KLHL29: variants seen among roughly 807,000 people sequenced by gnomAD.
The protein encoded by KLHL29 is kelch like family member 29.
KLHL29 carries 21 observed loss-of-function variants against 80.4 expected under a neutral mutation model. The ratio of observed to expected loss-of-function variants is 0.26; its 90% CI spans 0.19 to 0.38. The LOEUF (loss-of-function observed/expected upper bound fraction) is 0.38. KLHL29 is among the 10% of genes least tolerant of loss of function. The pLI, the probability that KLHL29 is intolerant of heterozygous loss-of-function variation, is 1.00. For synonymous variants in KLHL29, 511 were observed against 526.8 expected, an observed-to-expected ratio of 0.97 and a Z score of 0.41; for missense variants, 867 against 1,223.9, an observed-to-expected ratio of 0.71 and a Z score of 4.35.
chr2:23,686,310 C>G (rs574415992), intron 6 of KLHL29, among the ~76,000 whole-genome samples: 10 of 150,888 alleles, frequency 6.6e-5, no homozygotes. Context: ...CTCGGTGGCC[C>G]TCATCAGAAA....
intron 1 of KLHL29, among the ~76,000 whole-genome samples, chr2:23,437,789 G>T (rs1449390723): frequency 6.6e-6 from 1 of 152,230 alleles, no homozygotes; most frequent in Non-Finnish European, 1.5e-5. Context: ...ACTTGGTGAT[G>T]CAGGCTCTTT....
rs1451940754 is a variant in KLHL29, at chr2:23,639,185, C to G, written c.332C>G (p.Thr111Ser). 6.5e-7 allele frequency: 1 copy of G among 1,545,688 alleles called. No homozygotes were observed. ...KGDSQSQGLA[T>S]SIRWGQTPIN... is the part of the protein sequence containing the mutation. ...GACAGTCAGTCCCAGGGACTGGCGACCAGCATCCGGTGGGGGCAGACGCCT... is the reference window on the plus strand; with the variant it reads ...GACAGTCAGTCCCAGGGACTGGCGAGCAGCATCCGGTGGGGGCAGACGCCT... Residue 111 changes from threonine (T) to serine (S), a missense_variant, in exon 4 of 14, where the codon ACC becomes AGC. Around this residue, in one of 2 missense-constraint regions of KLHL29, gnomAD observed 424 missense variants for 456.9 expected, o/e 0.93. Coordinates refer to ENST00000486442, the MANE Select transcript of KLHL29 (RefSeq NM_052920.2).
In KLHL29 at chr2:23,562,348, C is replaced by G; in HGVS notation, c.152C>G (p.Pro51Arg). 6.5e-7 allele frequency: 1 copy of G among 1,543,842 alleles called. No individual in the cohort carries two copies. Among genetic ancestry groups the G allele is most frequent in the Non-Finnish European group, 8.7e-7 (1 of 1,145,288 alleles). ...ACAGCCAGCAGCCTCAGCGTCCGGC[C>G]CGGCCTCCTGCCGCTGCCCGTGGTG... ...GGTASSLSVR[P>R]GLLPLPVVPS... Residue 51 changes from proline (P) to arginine (R), a missense_variant, in exon 3 of 14, where the codon CCC becomes CGC. Transcript: ENST00000486442. The surrounding 1 kb of genome is among the most constrained non-coding windows in gnomAD (Gnocchi z 4.5).
chr2:23,519,031 A>T (rs559744600), intron 2 of KLHL29, among the ~76,000 whole-genome samples: 16 of 152,294 alleles, frequency 1.1e-4, no homozygotes, highest in Non-Finnish European at 2.1e-4. Context: ...GCCAGGCGGC[A>T]TGTGGAGAGC....
intron 1 of KLHL29, among the ~76,000 whole-genome samples, chr2:23,404,254 T>C (rs1389550403): frequency 7.7e-6 from 1 of 129,832 alleles, no homozygotes; most frequent in Non-Finnish European, 1.7e-5. Flanking sequence ...AGAGGCAGAT[T>C]CTGGGCGATG....
At position 23,669,757 on chromosome 2, in the gene KLHL29, C is replaced by T. The variant is rs562924011; in HGVS notation, c.941-14642C>T. Among the ~76,000 whole-genome samples, 1 of 152,260 alleles carries T rather than the reference C, an allele frequency of 6.6e-6. No homozygotes were observed. Among genetic ancestry groups the T allele is most frequent in the Admixed American group, 6.5e-5 (1 of 15,300 alleles). On this transcript the variant is annotated intron_variant, in intron 5 of 13. Coordinates refer to ENST00000486442, the MANE Select transcript of KLHL29 (RefSeq NM_052920.2). The surrounding 1 kb of genome is among the most constrained non-coding windows in gnomAD (Gnocchi z 4.3). ...GTGCCCAGCTCATTTAGAGCTGAGG[C>T]CCCCAGAACCCAGGGCTGCAGCCGA...
At chr2:23,427,957 G>A (rs1169500953) in intron 1 of KLHL29, among the ~76,000 whole-genome samples, 3 of 152,164 alleles carry the variant, frequency 2.0e-5, no homozygotes, top group East Asian at 1.9e-4. Context: ...GGCGGCTCCC[G>A]TTTAATAGAG....
At chr2:23,620,922 C>T (rs1669164180) in intron 3 of KLHL29, among the ~76,000 whole-genome samples, 1 of 152,242 alleles carries the variant, frequency 6.6e-6, no homozygotes, top group South Asian at 2.1e-4. Flanking sequence ...GCCACTCTGA[C>T]CAGTGCATTC....
intron 2 of KLHL29, among the ~76,000 whole-genome samples, chr2:23,502,879 C>A (rs1371106017): frequency 6.6e-6 from 1 of 152,218 alleles, no homozygotes; most frequent in Non-Finnish European, 1.5e-5. Context: ...AGGTCTCTCC[C>A]TTTTCAGCCC....
At position 23,680,482 on chromosome 2, in the gene KLHL29, C is replaced by T. The variant is rs1047548105; in HGVS notation, c.941-3917C>T. On this transcript the variant is annotated intron_variant, in intron 5 of 13. Coordinates refer to ENST00000486442, the MANE Select transcript of KLHL29 (RefSeq NM_052920.2). The surrounding 1 kb of genome is among the most constrained non-coding windows in gnomAD (Gnocchi z 4.1). ...CGTAGGCGGGCATCCCGCTCAAAGC[C>T]GAGGAGACCCAAAAACAACCTCTGG... Among the ~76,000 whole-genome samples, 7 of 152,186 alleles carry T rather than the reference C, an allele frequency of 4.6e-5. No individual in the cohort carries two copies. Among genetic ancestry groups the T allele is most frequent in the African/African-American group, 1.7e-4 (7 of 41,444 alleles).
intron 1 of KLHL29, among the ~76,000 whole-genome samples, chr2:23,435,785 T>C (rs1192837586): frequency 2.0e-5 from 3 of 152,192 alleles, no homozygotes; most frequent in Non-Finnish European, 4.4e-5. Context: ...CTATCCTTAT[T>C]GTCAGTTGCC....
chr2:23,418,882 C>T (rs922280699), intron 1 of KLHL29, among the ~76,000 whole-genome samples: 3 of 152,142 alleles, frequency 2.0e-5, no homozygotes, highest in Non-Finnish European at 4.4e-5. Context: ...CCCTTCCCTG[C>T]CCCTTAGTGC....
At chr2:23,496,428 T>TC (rs1665266985) in intron 2 of KLHL29, among the ~76,000 whole-genome samples, 1 of 152,054 alleles carries the variant, frequency 6.6e-6, no homozygotes, top group South Asian at 2.1e-4. Context: ...TCATTCCAGG[T>TC]CCTCTTAAAT....
intron 2 of KLHL29, among the ~76,000 whole-genome samples, chr2:23,486,673 A>G (rs1572351106): frequency 6.6e-6 from 1 of 152,356 alleles, no homozygotes; most frequent in East Asian, 1.9e-4. Flanking sequence ...CTGCCAATAA[A>G]CAATAATCCA....
chr2:23,556,922 A>G (rs1667313146), intron 2 of KLHL29, among the ~76,000 whole-genome samples: 1 of 152,236 alleles, frequency 6.6e-6, no homozygotes, highest in African/African-American at 2.4e-5. Context: ...AACAGGTGCT[A>G]GCAAAGCACT....
chr2:23,461,935 C>T, intron 1 of KLHL29, among the ~76,000 whole-genome samples: 1 of 149,328 alleles, frequency 6.7e-6, no homozygotes, highest in African/African-American at 2.5e-5. Context: ...ACTGAGGTTC[C>T]CAGGTATTAG....
At chr2:23,637,326 A>C (rs576963154) in intron 3 of KLHL29, among the ~76,000 whole-genome samples, 33 of 152,270 alleles carry the variant, frequency 2.2e-4, no homozygotes, top group African/African-American at 7.9e-4. Flanking sequence ...GTCTATTTGG[A>C]GAATGCTGGA....
intron 2 of KLHL29, among the ~76,000 whole-genome samples, chr2:23,514,282 T>G (rs1399929645): frequency 6.6e-6 from 1 of 152,160 alleles, no homozygotes; most frequent in Non-Finnish European, 1.5e-5. Context: ...ACTTTCCAGT[T>G]CTTGGAACCC....
intron 1 of KLHL29, among the ~76,000 whole-genome samples, chr2:23,462,795 T>TA (rs1213098024): frequency 2.0e-5 from 3 of 152,200 alleles, no homozygotes; most frequent in African/African-American, 4.8e-5. Context: ...AAAGTATACT[T>TA]ACAATGTTTA....
Sources: allele counts gnomAD v4.1 joint callset (sites outside exome capture counted in the v4.1 genomes callset), GRCh38; gene constraint gnomAD v4.1.1; regional missense constraint gnomAD v4.1.1; non-coding constraint Gnocchi (gnomAD v3.1); transcripts MANE v1.5; gene names NCBI Gene and HGNC (gene_info 2026-07-23, HGNC 2026-07-21).